Variants in ACTR3C observed in about 807,000 individuals in gnomAD.
ACTR3C encodes actin-related protein 3C.
A neutral mutation model predicts 26.3 loss-of-function variants in ACTR3C; 18 were observed. The observed-to-expected ratio is 0.68, with a 90% CI of 0.47 to 1.01. The LOEUF is 1.01. ACTR3C is among the 50% of genes least tolerant of loss of function. ACTR3C has a pLI of 0.00. For synonymous variants in ACTR3C, 55 were observed against 94.5 expected, an observed-to-expected ratio of 0.58 and a Z score of 2.42; for missense variants, 184 against 250.7, an observed-to-expected ratio of 0.73 and a Z score of 1.80.
chr7:150,249,274 T>G (rs1178881365), intron 6 of ACTR3C, among the ~76,000 whole-genome samples: 1 of 152,122 alleles, frequency 6.6e-6, no homozygotes, highest in Non-Finnish European at 1.5e-5. Flanking sequence ...CTTTTCCAAG[T>G]GCTGAAAGAA....
chr7:150,035,888 G>A, the ACTR3C span, among the ~76,000 whole-genome samples: 48 of 136,682 alleles, frequency 3.5e-4, 6 homozygotes, highest in African/African-American at 1.2e-3. Flanking sequence ...CGGAAGAGGG[G>A]ATAGCTCTCA....
intron 6 of ACTR3C, among the ~76,000 whole-genome samples, chr7:150,251,113 T>G (rs1380146441): frequency 6.6e-6 from 1 of 152,360 alleles, no homozygotes; most frequent in Non-Finnish European, 1.5e-5. Context: ...TAATATTTAC[T>G]GAATGAACAG....
chr7:150,214,675 G>A, the ACTR3C span, among the ~76,000 whole-genome samples: 1 of 152,242 alleles, frequency 6.6e-6, no homozygotes, highest in Non-Finnish European at 1.5e-5. Flanking sequence ...CCGAAAGATG[G>A]TGCATTTAAA....
chr7:150,032,120 CA>C, the ACTR3C span, among the ~76,000 whole-genome samples: 1 of 152,160 alleles, frequency 6.6e-6, no homozygotes, highest in Non-Finnish European at 1.5e-5. Context: ...TGCTGCTCAT[CA>C]CAAGCAGCTA....
chr7:149,954,417 T>G, the ACTR3C span, among the ~76,000 whole-genome samples: 1 of 152,192 alleles, frequency 6.6e-6, no homozygotes, highest in African/African-American at 2.4e-5. Flanking sequence ...AAGTTGTATA[T>G]TGCCTTCACA....
chr7:150,105,756 C>T, the ACTR3C span, among the ~76,000 whole-genome samples: 17 of 152,002 alleles, frequency 1.1e-4, no homozygotes, highest in Non-Finnish European at 4.4e-5. Flanking sequence ...AATGCTGGAG[C>T]ACATTTCACC....
chr7:150,013,920 T>C, the ACTR3C span, among the ~76,000 whole-genome samples: 36 of 150,398 alleles, frequency 2.4e-4, 1 homozygote, highest in East Asian at 2.7e-3. Flanking sequence ...GCCTCTTTCA[T>C]TTCCTGGTAC....
chr7:149,976,641 C>T, the ACTR3C span, among the ~76,000 whole-genome samples: 1 of 149,284 alleles, frequency 6.7e-6, no homozygotes, highest in Non-Finnish European at 1.5e-5. Context: ...AATCATAACA[C>T]AGTCAAGTAT....
At chr7:150,035,246 G>A in the ACTR3C span, among the ~76,000 whole-genome samples, 2 of 99,444 alleles carry the variant, frequency 2.0e-5, no homozygotes, top group African/African-American at 3.9e-5. Context: ...AAGAGCCAGT[G>A]GGGGAACCAG....
the ACTR3C span, among the ~76,000 whole-genome samples, chr7:150,079,005 G>T: frequency 1.3e-5 from 2 of 152,266 alleles, no homozygotes; most frequent in South Asian, 2.1e-4. Context: ...GGAGGGAAAT[G>T]GTGGTCCTTT....
chr7:150,246,468 C>T (rs1004851309), downstream of ACTR3C: 4 of 152,068 alleles, frequency 2.6e-5, no homozygotes, highest in Non-Finnish European at 5.9e-5. Flanking sequence ...TTGTGTGACA[C>T]GGGGGACTTG....
intron 1 of ACTR3C, among the ~76,000 whole-genome samples, chr7:150,307,643 A>T (rs1795901271): frequency 6.6e-6 from 1 of 152,180 alleles, no homozygotes; most frequent in Admixed American, 6.5e-5. Context: ...CAGGTGATTA[A>T]AAAGCTTTAT....
At chr7:150,061,195 G>A in the ACTR3C span, among the ~76,000 whole-genome samples, 2 of 68,660 alleles carry the variant, frequency 2.9e-5, no homozygotes, top group Non-Finnish European at 5.8e-5. Flanking sequence ...GAATAAAAAA[G>A]AAATCCAGAA....
the ACTR3C span, among the ~76,000 whole-genome samples, chr7:149,886,032 T>A: frequency 2.0e-5 from 3 of 152,378 alleles, no homozygotes; most frequent in South Asian, 6.2e-4. Flanking sequence ...TAGTAGCACC[T>A]GCCTCATAGA....
the ACTR3C span, among the ~76,000 whole-genome samples, chr7:150,228,333 C>T: frequency 6.6e-6 from 1 of 152,138 alleles, no homozygotes; most frequent in African/African-American, 2.4e-5. Context: ...AAACAATAGA[C>T]ATTTCCATAT....
chr7:150,168,842 G>T, the ACTR3C span, among the ~76,000 whole-genome samples: 5 of 150,956 alleles, frequency 3.3e-5, no homozygotes, highest in East Asian at 1.9e-4. Context: ...GGACAAGAAA[G>T]AAAATCAGCT....
the ACTR3C span, among the ~76,000 whole-genome samples, chr7:150,046,602 G>A: frequency 1.4e-5 from 2 of 138,872 alleles, no homozygotes; most frequent in Non-Finnish European, 3.1e-5. Context: ...GCTGTTATAA[G>A]AGCTGTACCA....
At chr7:150,284,262 C>T (rs1048283893) in intron 6 of ACTR3C, among the ~76,000 whole-genome samples, 30 of 152,088 alleles carry the variant, frequency 2.0e-4, no homozygotes, top group Non-Finnish European at 3.2e-4. Flanking sequence ...TCCAGTTGGC[C>T]GGGCATGGTG....
the ACTR3C span, among the ~76,000 whole-genome samples, chr7:150,102,095 T>C: frequency 1.3e-5 from 2 of 151,686 alleles, no homozygotes; most frequent in East Asian, 1.9e-4. Context: ...GTGCATTCCA[T>C]TGCTTTCCTC....
Sources: allele counts gnomAD v4.1 joint callset (sites outside exome capture counted in the v4.1 genomes callset), GRCh38; gene constraint gnomAD v4.1.1; transcripts MANE v1.5; gene names NCBI Gene and HGNC (gene_info 2026-07-23, HGNC 2026-07-21).